The following PRKN variants were observed in gnomAD, a reference collection of about 807,000 sequenced individuals.
PRKN encodes parkin RBR E3 ubiquitin protein ligase, also known as E3 ubiquitin-protein ligase parkin.
A neutral mutation model predicts 59.5 loss-of-function variants in PRKN; 56 were observed. The ratio of observed to expected loss-of-function variants is 0.94; its 90% CI spans 0.76 to 1.18. PRKN has a LOEUF of 1.18. Ranked by LOEUF, PRKN falls within the 50% of genes most tolerant of loss-of-function variation. PRKN has a pLI of 0.00. For missense variants in PRKN, 657 were observed against 596.4 expected, an observed-to-expected ratio of 1.10 and a Z score of -1.06; for synonymous variants, 250 against 222.1, an observed-to-expected ratio of 1.13 and a Z score of -1.12.
chr6:161,383,600 G>A (rs1583000835), intron 10 of PRKN, among the ~76,000 whole-genome samples: 1 of 152,334 alleles, frequency 6.6e-6, no homozygotes, highest in African/African-American at 2.4e-5. Flanking sequence ...GCTCCGTGAT[G>A]ACACCTCCTG....
chr6:161,804,400 G>A (rs749322544), intron 6 of PRKN, among the ~76,000 whole-genome samples: 1 of 152,160 alleles, frequency 6.6e-6, no homozygotes, highest in South Asian at 2.1e-4. Context: ...CTCCACCAAC[G>A]TGCCTCGATG....
intron 5 of PRKN, among the ~76,000 whole-genome samples, chr6:161,975,080 T>C (rs996628515): frequency 4.6e-5 from 7 of 150,648 alleles, no homozygotes; most frequent in Middle Eastern, 3.4e-3. Flanking sequence ...GCATGACATA[T>C]ACTTCTTTTT....
intron 2 of PRKN, among the ~76,000 whole-genome samples, chr6:162,329,015 T>C (rs1414493003): frequency 1.3e-5 from 2 of 152,200 alleles, no homozygotes; most frequent in African/African-American, 2.4e-5. Flanking sequence ...TTTGGTAAAA[T>C]GGCATTCCCT....
intron 6 of PRKN, among the ~76,000 whole-genome samples, chr6:161,886,659 T>C (rs921248641): frequency 6.6e-6 from 1 of 151,278 alleles, no homozygotes; most frequent in South Asian, 2.1e-4. Flanking sequence ...ATCGCGCCAC[T>C]GCACTCTAGC....
intron 2 of PRKN, among the ~76,000 whole-genome samples, chr6:162,335,882 C>G (rs1783822485): frequency 6.6e-6 from 1 of 151,714 alleles, no homozygotes; most frequent in African/African-American, 2.4e-5. Context: ...GGACTTGAGA[C>G]TTTAAGTGCT....
At chr6:162,370,705 C>A (rs1372395207) in intron 2 of PRKN, among the ~76,000 whole-genome samples, 2 of 152,162 alleles carry the variant, frequency 1.3e-5, no homozygotes, top group Non-Finnish European at 1.5e-5. Flanking sequence ...TAAAGCACTA[C>A]AAATGAATAC....
intron 10 of PRKN, among the ~76,000 whole-genome samples, chr6:161,374,011 C>T (rs1785547758): frequency 6.6e-6 from 1 of 152,136 alleles, no homozygotes; most frequent in African/African-American, 2.4e-5. Flanking sequence ...ATTTTTGTTT[C>T]TGGACAAATC....
In PRKN at chr6:161,703,839, C is replaced by CTTTT. The variant is rs71004062; in HGVS notation, c.871+81929_871+81932dup. Among the ~76,000 whole-genome samples the CTTTT allele has an allele frequency of 6.5e-4, 39 of 59,850 alleles. 4 individuals are homozygous for CTTTT. Among genetic ancestry groups the CTTTT allele is most frequent in the Non-Finnish European group, 7.9e-4 (25 of 31,550 alleles). The allele number at this position is 59,850 out of a possible 152,430, so 39.3% of individuals were successfully genotyped here. On this transcript the variant is annotated intron_variant, in intron 7 of 11. Transcript: ENST00000366898. ...CACACATCTCTCTCTCTCTCTCTCT[C>CTTTT]TTTTTTTTTTTTTTTTTTTTTTTTT...
At chr6:162,645,715 G>A (rs1778144696) in intron 1 of PRKN, among the ~76,000 whole-genome samples, 1 of 151,946 alleles carries the variant, frequency 6.6e-6, no homozygotes, top group East Asian at 1.9e-4. Context: ...TCAACAAATC[G>A]GATATAACTG....
At chr6:162,302,541 G>A (rs571738102) in intron 2 of PRKN, among the ~76,000 whole-genome samples, 1 of 152,042 alleles carries the variant, frequency 6.6e-6, no homozygotes, top group Non-Finnish European at 1.5e-5. Flanking sequence ...AGTCCCCGGG[G>A]AAGAGCCAGT....
At chr6:161,724,989 G>A (rs188018436) in intron 7 of PRKN, among the ~76,000 whole-genome samples, 11 of 152,142 alleles carry the variant, frequency 7.2e-5, no homozygotes, top group African/African-American at 2.4e-4. Flanking sequence ...CCTCCCCTTC[G>A]CCCCACTGTC....
intron 2 of PRKN, among the ~76,000 whole-genome samples, chr6:162,382,886 T>G (rs563576777): frequency 6.6e-6 from 1 of 152,368 alleles, no homozygotes; most frequent in South Asian, 2.1e-4. Context: ...TCAACAACGT[T>G]CACAGCATCT....
intron 7 of PRKN, among the ~76,000 whole-genome samples, chr6:161,770,888 G>A (rs1450295496): frequency 6.6e-6 from 1 of 152,096 alleles, no homozygotes; most frequent in African/African-American, 2.4e-5. Context: ...ATAGACCACA[G>A]GAGGACACAG....
At chr6:162,542,155 T>C (rs1778952499) in intron 1 of PRKN, among the ~76,000 whole-genome samples, 1 of 152,154 alleles carries the variant, frequency 6.6e-6, no homozygotes. Context: ...TCCTAAATAT[T>C]TTCAGTTCAA....
intron 2 of PRKN, among the ~76,000 whole-genome samples, chr6:162,321,844 G>A (rs957535844): frequency 6.6e-6 from 1 of 151,866 alleles, no homozygotes; most frequent in African/African-American, 2.4e-5. Context: ...AGGAAAAATA[G>A]AGAACTTTCT....
chr6:161,946,947 G>A (rs1356495870), intron 6 of PRKN, among the ~76,000 whole-genome samples: 1 of 152,020 alleles, frequency 6.6e-6, no homozygotes, highest in Non-Finnish European at 1.5e-5. Context: ...CAAAAGATGG[G>A]GAAATACCCA....
intron 6 of PRKN, among the ~76,000 whole-genome samples, chr6:161,874,149 A>ATATATAATATATAT (rs1794499039): frequency 2.0e-5 from 1 of 49,008 alleles, no homozygotes; most frequent in African/African-American, 1.2e-4. Flanking sequence ...GTAAAATATA[A>ATATATAATATATAT]TATATATTAT....
chr6:161,570,453 T>C (rs1046208124), intron 7 of PRKN, among the ~76,000 whole-genome samples: 1 of 132,440 alleles, frequency 7.6e-6, no homozygotes, highest in African/African-American at 4.1e-5. Context: ...ATACACAGAT[T>C]TTTTCTTCTG....
intron 9 of PRKN, among the ~76,000 whole-genome samples, chr6:161,392,144 G>C (rs1366970510): frequency 2.0e-5 from 3 of 151,876 alleles, no homozygotes; most frequent in Non-Finnish European, 4.4e-5. Flanking sequence ...TCACCGTCTT[G>C]GCCAAGCTGG....
Sources: gnomAD v4.1 joint callset for allele counts (sites outside exome capture counted in the v4.1 genomes callset) on GRCh38, gnomAD v4.1.1 for gene constraint, MANE v1.5 for transcripts, NCBI Gene and HGNC (gene_info 2026-07-23, HGNC 2026-07-21) for gene names.